The following SDK1 variants were observed in gnomAD, a reference collection of about 807,000 sequenced individuals.
SDK1 encodes protein sidekick-1.
In SDK1, 157 loss-of-function variants were observed where a neutral mutation model predicts 245.5. The observed-to-expected ratio is 0.64, with a 90% CI of 0.56 to 0.73. The LOEUF is 0.73. Ranked by LOEUF, SDK1 falls within the 30% of genes least tolerant of loss-of-function variation. SDK1 has a pLI of 0.00. For synonymous variants in SDK1, 1,647 were observed against 1,278.5 expected, an observed-to-expected ratio of 1.29 and a Z score of -6.15; for missense variants, 3,583 against 3,002.3, an observed-to-expected ratio of 1.19 and a Z score of -4.52.
At chr7:3,573,213 C>G (rs4416738) in intron 1 of SDK1, among the ~76,000 whole-genome samples, 78,685 of 151,896 alleles carry the variant, frequency 0.52, 21,570 homozygotes, top group African/African-American at 0.66. Context: ...GGAGACTGTG[C>G]TGGGAGGGTG....
chr7:4,016,086 G>A (rs1317417173), intron 16 of SDK1, among the ~76,000 whole-genome samples: 1 of 152,228 alleles, frequency 6.6e-6, no homozygotes, highest in African/African-American at 2.4e-5. Flanking sequence ...GTCCACGCGT[G>A]TCTGTCTCAG....
chr7:4,220,354 A>G (rs993281335), intron 39 of SDK1, 84 bp downstream of exon 39: 14 of 1,446,632 alleles, frequency 9.7e-6, no homozygotes, highest in African/African-American at 7.0e-5. Context: ...ATCCATCTAC[A>G]TGGTCAACAA....
intron 5 of SDK1, among the ~76,000 whole-genome samples, chr7:3,899,463 C>T (rs764438967): frequency 1.6e-4 from 24 of 152,224 alleles, no homozygotes; most frequent in Admixed American, 3.3e-4. Flanking sequence ...GCATCAGCTT[C>T]CTTGTCTAGG....
At chr7:3,609,432 A>C (rs1036324548) in intron 1 of SDK1, among the ~76,000 whole-genome samples, 3 of 151,944 alleles carry the variant, frequency 2.0e-5, no homozygotes, top group African/African-American at 7.3e-5. Context: ...ACAGAGTCTC[A>C]CTCTGTTGCC....
intron 7 of SDK1, among the ~76,000 whole-genome samples, chr7:3,955,459 C>T (rs950441434): frequency 2.0e-5 from 3 of 152,138 alleles, no homozygotes; most frequent in East Asian, 3.9e-4. Context: ...AGGTGGGATA[C>T]CTAATCCCAC....
At chr7:3,421,205 G>A (rs1485869004) in intron 1 of SDK1, among the ~76,000 whole-genome samples, 2 of 151,080 alleles carry the variant, frequency 1.3e-5, no homozygotes, top group African/African-American at 4.9e-5. Context: ...CTGAGTAGCT[G>A]GGACTGCAAG....
intron 4 of SDK1, among the ~76,000 whole-genome samples, chr7:3,691,350 G>A (rs1323401911): frequency 6.6e-6 from 1 of 152,138 alleles, no homozygotes; most frequent in African/African-American, 2.4e-5. Flanking sequence ...ATAAATCACA[G>A]GCTTAATTTT....
chr7:4,071,987 T>G (rs11976085), intron 20 of SDK1, among the ~76,000 whole-genome samples: 1 of 152,028 alleles, frequency 6.6e-6, no homozygotes, highest in Non-Finnish European at 1.5e-5. Context: ...TGTTTAAAGC[T>G]GAAAGAAAAA....
Position 3,323,722 on chromosome 7 carries a change from C to A in SDK1, c.298+21838C>A, listed in dbSNP as rs151327668. ...GGTTCATGTACCTAGATCAGGTCCA[C>A]CTTAATTATTTCCCTGCCTTCAGGT... On this transcript the variant is annotated intron_variant, in intron 1 of 44. Transcript: ENST00000404826. Among the ~76,000 whole-genome samples the A allele has an allele frequency of 3.3e-3, 510 of 152,302 alleles. 4 individuals are homozygous for A. The highest frequency in any genetic ancestry group is 0.011 in the African/African-American group (455 of 41,554).
At chr7:3,427,016 T>C (rs921200145) in intron 1 of SDK1, among the ~76,000 whole-genome samples, 11 of 152,184 alleles carry the variant, frequency 7.2e-5, no homozygotes, top group African/African-American at 2.7e-4. Context: ...TTACTATACC[T>C]TTCCAAAAGG....
In SDK1 at chr7:3,864,991, G is replaced by A. The variant is rs149761304; in HGVS notation, c.847+43408G>A. On this transcript the variant is annotated intron_variant, in intron 5 of 44. Coordinates refer to ENST00000404826, the MANE Select transcript of SDK1 (RefSeq NM_152744.4). ...TTGCTCTCTGACCACTGGTCTCTCA[G>A]GGGTGCTAACTCTGAGCACATTTCC... is the stretch of plus-strand genomic sequence containing the variant. 8.0e-3 allele frequency among the ~76,000 whole-genome samples: 1,225 copies of A among 152,294 alleles called. 16 individuals are homozygous for A. Among genetic ancestry groups the A allele is most frequent in the African/African-American group, 0.021 (871 of 41,554 alleles).
chr7:3,408,637 T>C (rs1779113456), intron 1 of SDK1, among the ~76,000 whole-genome samples: 1 of 152,226 alleles, frequency 6.6e-6, no homozygotes. Context: ...GATATTCTTT[T>C]TGGGCACCTG....
chr7:3,392,822 C>A (rs1293467888), intron 1 of SDK1, among the ~76,000 whole-genome samples: 1 of 151,932 alleles, frequency 6.6e-6, no homozygotes, highest in African/African-American at 2.4e-5. Flanking sequence ...TAATAATATT[C>A]CAGTGTATGC....
chr7:3,992,255 A>T (rs933572040), intron 14 of SDK1, among the ~76,000 whole-genome samples: 6 of 152,190 alleles, frequency 3.9e-5, no homozygotes, highest in African/African-American at 1.4e-4. Flanking sequence ...CTGGGGCTTG[A>T]ACTGAGCCTG....
At chr7:4,195,031 C>A (rs149215960) in intron 35 of SDK1, among the ~76,000 whole-genome samples, 309 of 152,130 alleles carry the variant, frequency 2.0e-3, no homozygotes, top group African/African-American at 7.2e-3. Context: ...CTAACCCATG[C>A]CACTGAAACC....
At chr7:3,423,258 CA>C (rs992517108) in intron 1 of SDK1, among the ~76,000 whole-genome samples, 1 of 152,214 alleles carries the variant, frequency 6.6e-6, no homozygotes, top group African/African-American at 2.4e-5. Context: ...TTAAATCAGA[CA>C]GGAGAAAAGA....
intron 1 of SDK1, among the ~76,000 whole-genome samples, chr7:3,564,652 A>C (rs1337455654): frequency 6.6e-6 from 1 of 152,182 alleles, no homozygotes; most frequent in Non-Finnish European, 1.5e-5. Context: ...TATAAAATGT[A>C]AAAATTATCC....
At chr7:3,628,025 G>A (rs965971206) in intron 2 of SDK1, among the ~76,000 whole-genome samples, 1 of 152,126 alleles carries the variant, frequency 6.6e-6, no homozygotes, top group Middle Eastern at 3.2e-3. Flanking sequence ...AAGGACCAAA[G>A]GTACTACTTG....
At chr7:3,547,819 C>T (rs189679224) in intron 1 of SDK1, among the ~76,000 whole-genome samples, 3 of 152,302 alleles carry the variant, frequency 2.0e-5, no homozygotes, top group East Asian at 1.9e-4. Flanking sequence ...GGCAGATACC[C>T]GTCAGCCTTA....
Sources: allele counts gnomAD v4.1 joint callset (sites outside exome capture counted in the v4.1 genomes callset), GRCh38; gene constraint gnomAD v4.1.1; transcripts MANE v1.5; gene names NCBI Gene and HGNC (gene_info 2026-07-23, HGNC 2026-07-21).